Variants in PDE10A observed in about 807,000 individuals in gnomAD.
The protein encoded by PDE10A is cAMP and cAMP-inhibited cGMP 3',5'-cyclic phosphodiesterase 10A.
Under a neutral mutation model 97.7 loss-of-function variants are expected in PDE10A, and 39 were observed. The ratio of observed to expected loss-of-function variants is 0.40; its 90% CI spans 0.31 to 0.52. PDE10A has a LOEUF of 0.52. PDE10A is among the 20% of genes least tolerant of loss of function. The pLI is 0.56. For synonymous variants in PDE10A, 371 were observed against 376.8 expected (o/e 0.98, Z 0.18); for missense variants, 731 against 1,047.8 (o/e 0.70, Z 4.17).
chr6:165,429,739 C>G (rs1442654511), intron 9 of PDE10A, among the ~76,000 whole-genome samples: 6 of 151,896 alleles, frequency 4.0e-5, no homozygotes, highest in Non-Finnish European at 7.4e-5. Context: ...TAAATAAAAC[C>G]AATAAAAATA....
At chr6:165,712,413 G>T (rs1196764115) in intron 1 of PDE10A, among the ~76,000 whole-genome samples, 1 of 152,070 alleles carries the variant, frequency 6.6e-6, no homozygotes, top group Non-Finnish European at 1.5e-5. Flanking sequence ...CAACTATAAG[G>T]TACCCCTGGG....
chr6:165,452,612 A>G (rs946085518), intron 3 of PDE10A, among the ~76,000 whole-genome samples: 8 of 152,154 alleles, frequency 5.3e-5, no homozygotes, highest in African/African-American at 1.9e-4. Context: ...CCCTCACCAA[A>G]TGAAGGCCCC....
chr6:165,839,325 AT>A (rs1780151000), intron 1 of PDE10A, among the ~76,000 whole-genome samples: 1 of 152,254 alleles, frequency 6.6e-6, no homozygotes, highest in African/African-American at 2.4e-5. Context: ...GAACTATCAT[AT>A]TTATCTCAAA....
intron 4 of PDE10A, among the ~76,000 whole-genome samples, chr6:165,449,891 C>A (rs1562478519): frequency 6.6e-6 from 1 of 151,982 alleles, no homozygotes; most frequent in African/African-American, 2.4e-5. Context: ...GTCATTTACC[C>A]AAATACATTT....
intron 1 of PDE10A, among the ~76,000 whole-genome samples, chr6:165,860,573 C>A (rs1780875447): frequency 6.6e-6 from 1 of 152,260 alleles, no homozygotes; most frequent in South Asian, 2.1e-4. Context: ...TGTTGGACCT[C>A]AGGTCAGAAC....
At chr6:165,561,575 A>T (rs543611703) in intron 1 of PDE10A, among the ~76,000 whole-genome samples, 1 of 152,336 alleles carries the variant, frequency 6.6e-6, no homozygotes, top group African/African-American at 2.4e-5. Context: ...AAAGTGTTGC[A>T]CTACATTTTT....
chr6:165,747,145 G>GA (rs2128454790), intron 1 of PDE10A, among the ~76,000 whole-genome samples: 1 of 152,256 alleles, frequency 6.6e-6, no homozygotes, highest in African/African-American at 2.4e-5. Context: ...TACAACCAGA[G>GA]AAAGTGGTTG....
intron 17 of PDE10A, among the ~76,000 whole-genome samples, chr6:165,382,815 A>G (rs1785021049): frequency 6.6e-6 from 1 of 152,194 alleles, no homozygotes; most frequent in South Asian, 2.1e-4. Flanking sequence ...GACAGATGAA[A>G]AAACAAATAT....
chr6:165,680,401 A>AGGT (rs1790943266), intron 1 of PDE10A, among the ~76,000 whole-genome samples: 5 of 152,262 alleles, frequency 3.3e-5, no homozygotes, highest in Non-Finnish European at 7.3e-5. Flanking sequence ...GCCAGAAGGC[A>AGGT]AACTTCCAGC....
At chr6:165,378,890 T>C (rs1784771496) in intron 18 of PDE10A, among the ~76,000 whole-genome samples, 2 of 152,306 alleles carry the variant, frequency 1.3e-5, no homozygotes, top group Admixed American at 6.5e-5. Context: ...TGCTGATCAA[T>C]GCAAGAAGGG....
chr6:165,731,077 T>C (rs1242787748), intron 1 of PDE10A, among the ~76,000 whole-genome samples: 1 of 152,102 alleles, frequency 6.6e-6, no homozygotes, highest in African/African-American at 2.4e-5. Context: ...AAAATGTCAA[T>C]TGTACAGAAC....
At chr6:165,947,617 A>G (rs1004017227) in intron 1 of PDE10A, among the ~76,000 whole-genome samples, 3 of 152,234 alleles carry the variant, frequency 2.0e-5, no homozygotes, top group African/African-American at 7.2e-5. Context: ...GAGTTGGTTT[A>G]GTAGTCATCT....
chr6:165,711,405 A>G lies in PDE10A; in HGVS notation c.-614-167837T>C, dbSNP rs1562698345. Among the ~76,000 whole-genome samples the G allele has an allele frequency of 6.6e-6, 1 of 152,190 alleles. No homozygotes were observed. Among genetic ancestry groups the G allele is most frequent in the Non-Finnish European group, 1.5e-5 (1 of 68,034 alleles). Reference sequence around the variant, plus strand: ...AAACACAGGTCCTAATGCTTGATTCAGAGCCACGGAGACCAGAAATTCATG... The same window carrying G: ...AAACACAGGTCCTAATGCTTGATTCGGAGCCACGGAGACCAGAAATTCATG... On this transcript the variant is annotated intron_variant, in intron 1 of 19. Coordinates refer to the PDE10A transcript ENST00000366882. This position sits in a 1 kb window ranked among gnomAD's most constrained non-coding sequence, Gnocchi z 4.5.
At chr6:165,434,988 C>G (rs1015187725) in intron 6 of PDE10A, among the ~76,000 whole-genome samples, 2 of 152,134 alleles carry the variant, frequency 1.3e-5, no homozygotes, top group Admixed American at 6.5e-5. Context: ...TATGAATATA[C>G]ACAGTATATT....
intron 1 of PDE10A, among the ~76,000 whole-genome samples, chr6:165,866,742 C>T (rs1035491049): frequency 6.6e-6 from 1 of 150,434 alleles, no homozygotes; most frequent in African/African-American, 2.4e-5. Context: ...TAGCAGATTT[C>T]TCACCAGAAA....
chr6:165,568,794 T>C (rs1784915525), intron 1 of PDE10A, among the ~76,000 whole-genome samples: 1 of 152,210 alleles, frequency 6.6e-6, no homozygotes, highest in South Asian at 2.1e-4. Flanking sequence ...TAAGATCTGC[T>C]GTCAGAATAA....
chr6:165,522,205 C>T lies in PDE10A; in HGVS notation c.994+21235G>A, dbSNP rs551432849. 1.4e-4 allele frequency among the ~76,000 whole-genome samples: 21 copies of T among 152,212 alleles called. No individual in the cohort carries two copies. In the South Asian group the frequency reaches 4.1e-3, roughly 30 times the overall value. ...CTGTGTATGTGAATACAAAGCCAAA[C>T]TCTAACAGATGTACAAATAAGAGCT... On this transcript the variant is annotated intron_variant, in intron 2 of 21. Transcript: ENST00000539869.
chr6:165,945,124 T>C (rs1325514631), intron 1 of PDE10A, among the ~76,000 whole-genome samples: 2 of 152,182 alleles, frequency 1.3e-5, no homozygotes, highest in African/African-American at 2.4e-5. Flanking sequence ...TCTAAAGACA[T>C]TGCAGCTTCT....
At chr6:165,776,413 T>G (rs1778184990) in intron 1 of PDE10A, among the ~76,000 whole-genome samples, 1 of 152,250 alleles carries the variant, frequency 6.6e-6, no homozygotes, top group Admixed American at 6.5e-5. Flanking sequence ...TTTGCTTATT[T>G]CGATTAAATC....
Sources: gnomAD v4.1 joint callset for allele counts (sites outside exome capture counted in the v4.1 genomes callset) on GRCh38, gnomAD v4.1.1 for gene constraint, Gnocchi (gnomAD v3.1) non-coding constraint, MANE v1.5 for transcripts, NCBI Gene and HGNC (gene_info 2026-07-23, HGNC 2026-07-21) for gene names.